The following DEK variants were observed in gnomAD, a reference collection of about 807,000 sequenced individuals.
DEK encodes protein DEK.
DEK carries 28 observed loss-of-function variants against 46.8 expected under a neutral mutation model. That is an observed-to-expected ratio of 0.60 (90% CI 0.44 to 0.82). The LOEUF is 0.82. Among genes scored for constraint, DEK ranks in the 40% least tolerant of loss-of-function variants. DEK has a pLI of 0.00. For synonymous variants in DEK, 160 were observed against 144.5 expected, an observed-to-expected ratio of 1.11 and a Z score of -0.77; for missense variants, 416 against 430.6, an observed-to-expected ratio of 0.97 and a Z score of 0.30.
At chr6:18,230,066 C>T (rs1052298712) in intron 9 of DEK, among the ~76,000 whole-genome samples, 1 of 152,082 alleles carries the variant, frequency 6.6e-6, no homozygotes, top group African/African-American at 2.4e-5. Flanking sequence ...AGAGTGAGGG[C>T]CAATATTCGA....
intron 6 of DEK, among the ~76,000 whole-genome samples, chr6:18,254,900 G>A (rs566011012): frequency 1.2e-4 from 19 of 152,290 alleles, no homozygotes; most frequent in African/African-American, 4.3e-4. Flanking sequence ...TCCTCGTGCA[G>A]CTAATGGTAA....
intron 6 of DEK, among the ~76,000 whole-genome samples, chr6:18,253,944 C>A (rs1349411707): frequency 6.6e-6 from 1 of 152,104 alleles, no homozygotes; most frequent in Non-Finnish European, 1.5e-5. Flanking sequence ...CTCAAGTGAT[C>A]CACCTGCCTC....
chr6:18,238,657 A>G (rs1205663995), intron 7 of DEK, among the ~76,000 whole-genome samples: 1 of 149,640 alleles, frequency 6.7e-6, no homozygotes, highest in Non-Finnish European at 1.5e-5. Context: ...AGATCATGAC[A>G]CTGCACTCCA....
At chr6:18,239,362 A>T (rs214512) in intron 7 of DEK, among the ~76,000 whole-genome samples, 28,390 of 70,166 alleles carry the variant, frequency 0.4, 3,686 homozygotes, top group African/African-American at 0.47. Context: ...TTTTTTTTTT[A>T]AAAAAAAGAG....
rs3476 is a variant in DEK, at chr6:18,224,942, C to T, written c.*777G>A. 36,485 of 214,344 alleles carry T rather than the reference C, an allele frequency of 0.17. 3,543 individuals are homozygous for T. The highest frequency in any genetic ancestry group is 0.24 in the South Asian group (1,271 of 5,332). The allele number at this position is 214,344 out of a possible 1,614,324, so 13.3% of individuals were successfully genotyped here. ...TAAAATTACAAATTGATGACACTTT[C>T]GAGGCAAAGCAGGGTAACTGTTCCT... On this transcript the variant is annotated 3_prime_UTR_variant, in exon 11 of 11. Coordinates refer to ENST00000652689, the MANE Select transcript of DEK (RefSeq NM_003472.4).
Position 18,240,881 on chromosome 6 carries a change from T to TTA in DEK, c.763-3366_763-3365insTA, listed in dbSNP as rs1458111720. On this transcript the variant is annotated intron_variant, in intron 7 of 10. Coordinates refer to ENST00000652689, the MANE Select transcript of DEK (RefSeq NM_003472.4). ...GAGACAAACTCAATAACAACTGTAT[T>TTA]AACTAGCCATGATATATCGCACTTA... Among the ~76,000 whole-genome samples, 3 of 152,226 alleles carry TTA rather than the reference T, an allele frequency of 2.0e-5. No homozygotes were observed. In the East Asian group the frequency reaches 5.8e-4, roughly 29 times the overall value.
intron 9 of DEK, among the ~76,000 whole-genome samples, chr6:18,229,423 C>A: frequency 6.6e-6 from 1 of 152,148 alleles, no homozygotes; most frequent in East Asian, 1.9e-4. Context: ...GACGATCAAA[C>A]TTCTCCAAGC....
At chr6:18,261,649 A>G (rs1561994651) in intron 2 of DEK, among the ~76,000 whole-genome samples, 1 of 152,172 alleles carries the variant, frequency 6.6e-6, no homozygotes, top group Non-Finnish European at 1.5e-5. Context: ...GGCCTATTGC[A>G]CCTTTCTTTT....
intron 7 of DEK, among the ~76,000 whole-genome samples, chr6:18,238,178 G>C (rs746255603): frequency 6.6e-6 from 1 of 151,824 alleles, no homozygotes; most frequent in Non-Finnish European, 1.5e-5. Context: ...CTAGAATCTT[G>C]TGTTCACTGA....
chr6:18,252,258 C>A lies in DEK; in HGVS notation c.574-2419G>T, dbSNP rs568834128. On this transcript the variant is annotated intron_variant, in intron 6 of 10. Coordinates refer to ENST00000652689, the MANE Select transcript of DEK (RefSeq NM_003472.4). ...GACATAGTGGCTCATGCCTGTAATCCCAACACTTTGGGAGGCCAAGGTGAG... is the reference window on the plus strand; with the variant it reads ...GACATAGTGGCTCATGCCTGTAATCACAACACTTTGGGAGGCCAAGGTGAG... 8.6e-5 allele frequency among the ~76,000 whole-genome samples: 13 copies of A among 152,004 alleles called. No individual in the cohort carries two copies. In the South Asian group the frequency reaches 2.7e-3, roughly 32 times the overall value.
intron 1 of DEK, 185 bp from the exon 2 acceptor site, chr6:18,264,181 C>G (rs1437806224): frequency 2.2e-6 from 1 of 458,820 alleles, no homozygotes; most frequent in Non-Finnish European, 3.6e-6. Flanking sequence ...CGCCGCCGTC[C>G]AGGGATTCCC....
intron 8 of DEK, 84 bp from the exon 9 acceptor site, chr6:18,236,684 CA>C (rs1582263806): frequency 9.6e-7 from 1 of 1,039,548 alleles, no homozygotes; most frequent in East Asian, 3.1e-5. Context: ...AAGCTTTCAA[CA>C]GATTCTCAAA....
intron 9 of DEK, among the ~76,000 whole-genome samples, chr6:18,230,074 C>A (rs112240897): frequency 3.8e-4 from 58 of 152,282 alleles, no homozygotes; most frequent in African/African-American, 1.3e-3. Flanking sequence ...GGCCAATATT[C>A]GACATTCTTA....
At chr6:18,250,263 A>T (rs1347979104) in intron 6 of DEK, among the ~76,000 whole-genome samples, 2 of 152,054 alleles carry the variant, frequency 1.3e-5, no homozygotes, top group Admixed American at 6.6e-5. Context: ...AGGTCAGGAG[A>T]TCGAGACCAT....
intron 7 of DEK, among the ~76,000 whole-genome samples, chr6:18,244,348 T>C (rs530508097): frequency 6.6e-6 from 1 of 152,206 alleles, no homozygotes; most frequent in Admixed American, 6.5e-5. Flanking sequence ...TAGTACAATG[T>C]ACTATAACCT....
At chr6:18,234,257 C>T (rs1264561630) in intron 9 of DEK, among the ~76,000 whole-genome samples, 1 of 145,842 alleles carries the variant, frequency 6.9e-6, no homozygotes, top group African/African-American at 2.6e-5. Flanking sequence ...TTAATGGGTG[C>T]AGCACATCAA....
chr6:18,247,926 C>G (rs1228524092), intron 7 of DEK, among the ~76,000 whole-genome samples: 1 of 152,154 alleles, frequency 6.6e-6, no homozygotes, highest in Admixed American at 6.6e-5. Context: ...CCCACCTCGG[C>G]CTCCCAAAGT....
At chr6:18,263,731 T>C in intron 2 of DEK, 112 bp downstream of exon 2, 1 of 1,592,216 alleles carries the variant, frequency 6.3e-7, no homozygotes, top group Non-Finnish European at 8.5e-7. Flanking sequence ...TGAAAATCAC[T>C]CCGACTTCAC....
intron 9 of DEK, among the ~76,000 whole-genome samples, chr6:18,228,060 T>C (rs1348698257): frequency 6.6e-6 from 1 of 152,194 alleles, no homozygotes; most frequent in Non-Finnish European, 1.5e-5. Flanking sequence ...GTCCTGACTC[T>C]ATAAGCTCAC....
Sources: gnomAD v4.1 joint callset for allele counts (sites outside exome capture counted in the v4.1 genomes callset) on GRCh38, gnomAD v4.1.1 for gene constraint, MANE v1.5 for transcripts, NCBI Gene and HGNC (gene_info 2026-07-23, HGNC 2026-07-21) for gene names.